The following SHANK2 variants were observed in gnomAD, a reference collection of about 807,000 sequenced individuals.
SHANK2 encodes the protein SH3 and multiple ankyrin repeat domains 2.
In SHANK2, 43 loss-of-function variants were observed where a neutral mutation model predicts 133.7. The observed-to-expected ratio is 0.32, with a 90% CI of 0.25 to 0.41. The LOEUF is 0.41. SHANK2 is among the 10% of genes least tolerant of loss of function. The probability of loss-of-function intolerance (pLI) is 1.00; values close to 1 mark genes in which losing one functional copy is unlikely to be tolerated. For synonymous variants in SHANK2, 1,017 were observed against 952.8 expected, an observed-to-expected ratio of 1.07 and a Z score of -1.24; for missense variants, 1,994 against 2,235.8, an observed-to-expected ratio of 0.89 and a Z score of 2.18.
chr11:70,765,797 T>C (rs1261150135), intron 14 of SHANK2, among the ~76,000 whole-genome samples: 14 of 152,126 alleles, frequency 9.2e-5, no homozygotes, highest in Non-Finnish European at 1.5e-5. Context: ...TCCCCATACA[T>C]GAAATAAGTT....
intron 9 of SHANK2, among the ~76,000 whole-genome samples, chr11:71,067,429 C>T (rs1357095863): frequency 6.6e-6 from 1 of 152,198 alleles, no homozygotes; most frequent in Non-Finnish European, 1.5e-5. Flanking sequence ...TGCTCCCCTC[C>T]CTCTGGAGCT....
chr11:71,073,013 G>A (rs1415006333), intron 9 of SHANK2, among the ~76,000 whole-genome samples: 1 of 152,002 alleles, frequency 6.6e-6, no homozygotes, highest in Non-Finnish European at 1.5e-5. Flanking sequence ...CCACCGAACT[G>A]CATACTTAAA....
intron 13 of SHANK2, among the ~76,000 whole-genome samples, chr11:70,806,040 C>T (rs1948150447): frequency 6.6e-6 from 1 of 152,232 alleles, no homozygotes; most frequent in Admixed American, 6.5e-5. Flanking sequence ...CTGACCTGAT[C>T]AGTGTGTCGC....
At chr11:71,141,845 C>G (rs781805181) in intron 3 of SHANK2, among the ~76,000 whole-genome samples, 127 of 151,900 alleles carry the variant, frequency 8.4e-4, no homozygotes, top group Non-Finnish European at 1.5e-3. Context: ...AACAGAAAGC[C>G]CAAACTACTG....
chr11:70,585,632 T>C (rs2060238914), intron 17 of SHANK2, among the ~76,000 whole-genome samples: 1 of 150,854 alleles, frequency 6.6e-6, no homozygotes, highest in African/African-American at 2.4e-5. Context: ...TCTTTTCATG[T>C]ATCCATCTAC....
At chr11:71,210,317 T>C (rs982109149) in intron 2 of SHANK2, among the ~76,000 whole-genome samples, 2 of 147,802 alleles carry the variant, frequency 1.4e-5, no homozygotes, top group African/African-American at 5.0e-5. Flanking sequence ...AGTGTGATCT[T>C]GGCTCACTGC....
chr11:70,677,157 A>T (rs1944918247), intron 15 of SHANK2, among the ~76,000 whole-genome samples: 1 of 152,222 alleles, frequency 6.6e-6, no homozygotes, highest in African/African-American at 2.4e-5. Context: ...CAGAAGATAC[A>T]GCCAAGGCCC....
At chr11:70,661,510 C>T (rs2061489012) in intron 16 of SHANK2, 86 bp downstream of exon 16, 2 of 134,876 alleles carry the variant, frequency 1.5e-5, no homozygotes, top group Non-Finnish European at 3.5e-5. Context: ...TACACACACA[C>T]ACACACACAC....
chr11:71,111,515 C>T (rs1159734281), intron 5 of SHANK2, among the ~76,000 whole-genome samples: 1 of 152,242 alleles, frequency 6.6e-6, no homozygotes, highest in Non-Finnish European at 1.5e-5. Context: ...GCTGTCTGAG[C>T]AGGACTGTGG....
chr11:70,628,379 G>C (rs1226426331), intron 17 of SHANK2, among the ~76,000 whole-genome samples: 1 of 152,132 alleles, frequency 6.6e-6, no homozygotes, highest in African/African-American at 2.4e-5. Context: ...CACCAAAGTC[G>C]GGGGCGGAGA....
At chr11:70,718,902 A>C (rs1248220224) in intron 14 of SHANK2, among the ~76,000 whole-genome samples, 1 of 152,182 alleles carries the variant, frequency 6.6e-6, no homozygotes, top group Non-Finnish European at 1.5e-5. Context: ...TTTGCCGGTC[A>C]CTGGCGCTAT....
rs556847541 is a variant in SHANK2 at position 70,471,272 on chromosome 11, A to AC, written c.*1596_*1597insG. On this transcript the variant is annotated 3_prime_UTR_variant, in exon 26 of 26. Coordinates refer to ENST00000601538, the MANE Select transcript of SHANK2 (RefSeq NM_012309.5). This position sits in a 1 kb window ranked among gnomAD's most constrained non-coding sequence, Gnocchi z 4.1. ...CTAATCAAGAAAAAAAGGAAAAAAA[A>AC]AAAACAAAACCATGTTTTATAATTA... The AC allele has an allele frequency of 3.4e-4, 137 of 398,868 alleles. No homozygotes were observed. The highest frequency in any genetic ancestry group is 4.0e-4 in the Admixed American group (9 of 22,716). 24.7% of individuals were successfully genotyped at this position (398,868 alleles called of 1,614,324 possible).
intron 8 of SHANK2, among the ~76,000 whole-genome samples, chr11:71,082,950 C>T (rs1054772957): frequency 4.0e-5 from 6 of 148,864 alleles, no homozygotes; most frequent in East Asian, 4.0e-4. Flanking sequence ...CCCGCCCCCC[C>T]CCCAACCCTT....
chr11:70,551,972 C>T (rs1313831770), intron 17 of SHANK2, among the ~76,000 whole-genome samples: 1 of 152,196 alleles, frequency 6.6e-6, no homozygotes, highest in Admixed American at 6.5e-5. Context: ...ACGGGGGAGC[C>T]CGTGGGGGTG....
chr11:71,139,248 C>T (rs781101698), intron 3 of SHANK2, among the ~76,000 whole-genome samples: 6 of 151,746 alleles, frequency 4.0e-5, no homozygotes, highest in African/African-American at 4.8e-5. Context: ...GAGGCGGATG[C>T]GGGGCCGACG....
intron 1 of SHANK2, among the ~76,000 whole-genome samples, chr11:71,235,527 G>A (rs1314092412): frequency 2.0e-5 from 3 of 151,198 alleles, no homozygotes; most frequent in African/African-American, 4.9e-5. Flanking sequence ...CCAGGAGGCA[G>A]AGGTTGCAGT....
chr11:70,489,486 T>A, intron 23 of SHANK2, 138 bp from the exon 24 acceptor site: 1 of 823,504 alleles, frequency 1.2e-6, no homozygotes, highest in Non-Finnish European at 2.1e-6. Flanking sequence ...AGTGACTGCC[T>A]ACAGTTATCC....
chr11:70,867,722 A>T (rs1949390320), intron 11 of SHANK2, among the ~76,000 whole-genome samples: 1 of 152,256 alleles, frequency 6.6e-6, no homozygotes, highest in Non-Finnish European at 1.5e-5. Context: ...CCAGCGGCAC[A>T]GAGTCATTAT....
chr11:71,178,667 A>T (rs1372613098), intron 2 of SHANK2, among the ~76,000 whole-genome samples: 1 of 149,762 alleles, frequency 6.7e-6, no homozygotes, highest in African/African-American at 2.4e-5. Flanking sequence ...AATAAAAAGT[A>T]ACTGGATACA....
Sources: allele counts gnomAD v4.1 joint callset (sites outside exome capture counted in the v4.1 genomes callset), GRCh38; gene constraint gnomAD v4.1.1; non-coding constraint Gnocchi (gnomAD v3.1); transcripts MANE v1.5; gene names NCBI Gene and HGNC (gene_info 2026-07-23, HGNC 2026-07-21).